Variants in PARP10 observed in about 807,000 individuals in gnomAD.
The protein encoded by PARP10 is poly(ADP-ribose) polymerase family member 10, also known as protein mono-ADP-ribosyltransferase PARP10.
PARP10 carries 56 observed loss-of-function variants against 82.4 expected under a neutral mutation model. That is an observed-to-expected ratio of 0.68 (90% CI 0.55 to 0.85). The LOEUF is 0.85. Ranked by LOEUF, PARP10 falls within the 40% of genes least tolerant of loss-of-function variation. The pLI is 0.00. For synonymous variants in PARP10, 576 were observed against 601.1 expected (o/e 0.96, Z 0.61); for missense variants, 1,227 against 1,379.4 (o/e 0.89, Z 1.75).
intron 1 of PARP10, among the ~76,000 whole-genome samples, chr8:144,010,122 G>A (rs1162497530): frequency 6.6e-6 from 1 of 152,134 alleles, no homozygotes; most frequent in Non-Finnish European, 1.5e-5. Flanking sequence ...TTTCTTTGGT[G>A]AGGCACACTC....
intron 9 of PARP10, among the ~76,000 whole-genome samples, chr8:143,981,391 G>C (rs1554747703): frequency 1.3e-4 from 12 of 91,706 alleles, no homozygotes; most frequent in Middle Eastern, 5.6e-3. Context: ...TGAAGGTGAT[G>C]GTGATGATGG....
At chr8:143,991,662 T>C, upstream of PARP10, 1 of 1,591,584 alleles carries the variant, frequency 6.3e-7, no homozygotes, top group Non-Finnish European at 8.6e-7. Flanking sequence ...TGCTTGTGAG[T>C]GGCGCTGACC....
At position 144,003,631 on chromosome 8, in the gene PARP10, C is replaced by T. The variant is rs1240438701; in HGVS notation, c.-80+8899G>A. On this transcript the variant is annotated intron_variant, in intron 1 of 3. Transcript: ENST00000530478. ...AGTCCCAGGCAAAGCAGTGGCATCT[C>T]CCTGAGATAAAAATCAGGTTGGAGA... is the stretch of plus-strand genomic sequence containing the variant. 2.0e-5 allele frequency among the ~76,000 whole-genome samples: 3 copies of T among 152,166 alleles called. No homozygotes were observed. In the East Asian group the frequency reaches 5.8e-4, roughly 29 times the overall value.
At position 143,986,146 on chromosome 8, in the gene PARP10, G is replaced by C; in HGVS notation, c.90C>G (p.Tyr30Ter). Residue 30 changes from tyrosine to a stop codon, truncating the protein, a stop_gained, in exon 2 of 11, where the codon TAC (tyrosine) becomes TAG (stop). Transcript: ENST00000313028. LOFTEE classifies it high-confidence loss of function. Reference sequence around the variant, plus strand: ...CTCCAGAGCGTCGGCGGTTTTCAAAGTAGAGAGTGAGCAGCTCGTCGGGCA... The same window carrying C: ...CTCCAGAGCGTCGGCGGTTTTCAAACTAGAGAGTGAGCAGCTCGTCGGGCA... The part of the protein sequence containing the change: ...PAVPDELLTL[Y>*]FENRRRSGGG... The C allele has an allele frequency of 6.2e-7, 1 of 1,614,034 alleles. No individual in the cohort carries two copies. The highest frequency in any genetic ancestry group is 8.5e-7 in the Non-Finnish European group (1 of 1,179,972).
upstream of PARP10, among the ~76,000 whole-genome samples, chr8:143,989,243 C>G (rs1162104413): frequency 6.6e-6 from 1 of 152,196 alleles, no homozygotes; most frequent in Non-Finnish European, 1.5e-5. The surrounding 1 kb of genome is among the most constrained non-coding windows in gnomAD (Gnocchi z 4.3). Flanking sequence ...TCAGTCACTG[C>G]TCCCCCAAGA....
chr8:143,978,969 G>GTT (rs5895791), intron 9 of PARP10, among the ~76,000 whole-genome samples: 14 of 144,830 alleles, frequency 9.7e-5, no homozygotes, highest in Admixed American at 2.1e-4. Flanking sequence ...AACCCTGCAA[G>GTT]TTTTTTTTTT....
At chr8:143,987,888 C>A, upstream of PARP10, among the ~76,000 whole-genome samples, 1 of 133,916 alleles carries the variant, frequency 7.5e-6, no homozygotes, top group African/African-American at 2.6e-5. Context: ...GAGACTCTGT[C>A]TAAAAAAAAA....
chr8:144,010,653 T>C (rs1301036912), intron 1 of PARP10, among the ~76,000 whole-genome samples: 1 of 152,148 alleles, frequency 6.6e-6, no homozygotes, highest in African/African-American at 2.4e-5. Context: ...GGCAGAAGGA[T>C]TGCTTGAGCC....
chr8:144,012,230 C>T lies in PARP10; in HGVS notation c.-80+300G>A, dbSNP rs191089657. On this transcript the variant is annotated intron_variant, in intron 1 of 3. Transcript: ENST00000530478. ...TTGCGGTGGGGGAGAGGAAGTTTCACGGAAGAGGCACCATGAGGGTGAAGT... is the reference window on the plus strand; with the variant it reads ...TTGCGGTGGGGGAGAGGAAGTTTCATGGAAGAGGCACCATGAGGGTGAAGT... Among the ~76,000 whole-genome samples the T allele has an allele frequency of 2.2e-3, 339 of 152,316 alleles. 1 individual carries two copies. Among genetic ancestry groups the T allele is most frequent in the Middle Eastern group, 6.8e-3 (2 of 294 alleles).
intron 1 of PARP10, among the ~76,000 whole-genome samples, chr8:143,996,634 CT>C (rs1210132072): frequency 2.0e-5 from 3 of 152,210 alleles, no homozygotes; most frequent in Non-Finnish European, 2.9e-5. Flanking sequence ...AAGGAATGAC[CT>C]TTTCACGGCA....
chr8:143,982,844 G>C, intron 9 of PARP10, 88 bp downstream of exon 9: 1 of 1,553,572 alleles, frequency 6.4e-7, no homozygotes, highest in East Asian at 2.3e-5. Context: ...TGATGTAGGC[G>C]AGAGGGACAG....
chr8:143,989,331 T>C (rs782205846), upstream of PARP10, among the ~76,000 whole-genome samples: 4 of 152,208 alleles, frequency 2.6e-5, no homozygotes, highest in Non-Finnish European at 4.4e-5. This position sits in a 1 kb window ranked among gnomAD's most constrained non-coding sequence, Gnocchi z 4.3. Flanking sequence ...TCGCAGCTTG[T>C]GAGGACGTTA....
At position 143,984,922 on chromosome 8, in the gene PARP10, C is replaced by G; in HGVS notation, c.1080G>C (p.Glu360Asp). 1 of 1,614,030 alleles carries G rather than the reference C, an allele frequency of 6.2e-7. No homozygotes were observed. Among genetic ancestry groups the G allele is most frequent in the Non-Finnish European group, 8.5e-7 (1 of 1,180,028 alleles). The change falls in exon 5 of 11, where the codon GAG becomes GAC. Residue 360 changes from glutamate to aspartate, a missense_variant. Transcript: ENST00000313028. ...SSMPMGSLEH[E>D]GLVSLRPVGL... ...CCACAGGCCTCAGGCTTACCAGCCCCTCATGTTCCAGAGACCCCATGGGCA... is the reference window on the plus strand; with the variant it reads ...CCACAGGCCTCAGGCTTACCAGCCCGTCATGTTCCAGAGACCCCATGGGCA...
intron 1 of PARP10, chr8:144,012,383 C>A (rs2133089437): frequency 7.0e-6 from 5 of 713,088 alleles, no homozygotes; most frequent in Non-Finnish European, 1.2e-5. Context: ...TCTGACCTCA[C>A]AATACCCAGG....
At chr8:143,999,018 T>TC (rs1554751480) in intron 1 of PARP10, among the ~76,000 whole-genome samples, 4 of 149,696 alleles carry the variant, frequency 2.7e-5, no homozygotes, top group African/African-American at 9.9e-5. Flanking sequence ...CTTCCTTCCT[T>TC]CTTTCTTTCT....
chr8:143,992,204 G>C, upstream of PARP10: 4 of 1,601,716 alleles, frequency 2.5e-6, no homozygotes, highest in Non-Finnish European at 3.4e-6. Flanking sequence ...GGGTGGCATG[G>C]GGGCACACAC....
chr8:143,977,859 G>A (rs374828498), intron 10 of PARP10, 29 bp from the exon 11 acceptor site: 15 of 1,598,704 alleles, frequency 9.4e-6, no homozygotes, highest in East Asian at 4.5e-5. Context: ...CAAGGTCAGG[G>A]TGGTCGGGGT....
Position 143,984,546 on chromosome 8 carries a change from G to C in PARP10, c.1456C>G (p.Arg486Gly). ...PLEGPDMTGF[R>G]LCGAQASCQA... is the part of the protein sequence containing the mutation. ...AGGAGTCCTGAGGGGTCACTCACCC[G>C]AAAGCCAGTCATATCCGGTCCTTCA... The change falls in exon 5 of 11, where the codon CGG becomes GGG. Residue 486 changes from arginine to glycine, a missense_variant and splice_region_variant. Arg to Gly is a moderately radical substitution (Grantham distance 125). Coordinates refer to ENST00000313028, the MANE Select transcript of PARP10 (RefSeq NM_032789.5). The C allele has an allele frequency of 6.2e-7, 1 of 1,607,748 alleles. No individual in the cohort carries two copies.
upstream of PARP10, chr8:143,992,950 C>T: frequency 1.1e-6 from 1 of 932,598 alleles, no homozygotes; most frequent in East Asian, 2.6e-5. Flanking sequence ...CCAGGCACAG[C>T]CTAGGGAAAA....
Sources: allele counts gnomAD v4.1 joint callset (sites outside exome capture counted in the v4.1 genomes callset), GRCh38; gene constraint gnomAD v4.1.1; non-coding constraint Gnocchi (gnomAD v3.1); transcripts MANE v1.5; gene names NCBI Gene and HGNC (gene_info 2026-07-23, HGNC 2026-07-21).